Variants in MICALL1 observed in about 807,000 individuals in gnomAD.
The protein encoded by MICALL1 is MICAL like 1.
In MICALL1, 61 loss-of-function variants were observed where a neutral mutation model predicts 83.7. That is an observed-to-expected ratio of 0.73 (90% CI 0.59 to 0.90). MICALL1 has a LOEUF of 0.90. MICALL1 is among the 40% of genes least tolerant of loss of function. The pLI is 0.00. For missense variants in MICALL1, 1,066 were observed against 1,152.0 expected, an observed-to-expected ratio of 0.93 and a Z score of 1.08; for synonymous variants, 481 against 473.6, an observed-to-expected ratio of 1.02 and a Z score of -0.20.
intron 3 of MICALL1, among the ~76,000 whole-genome samples, chr22:37,915,254 A>T (rs1569137046): frequency 6.6e-6 from 1 of 152,174 alleles, no homozygotes; most frequent in Non-Finnish European, 1.5e-5. Flanking sequence ...CCCATCCCTA[A>T]ACAGAAAAAA....
chr22:37,935,135 T>C (rs1191475646), intron 13 of MICALL1, among the ~76,000 whole-genome samples: 2 of 149,326 alleles, frequency 1.3e-5, no homozygotes, highest in Admixed American at 1.3e-4. Context: ...GGTTTCACCA[T>C]GTTAGCCAGG....
rs1927948622 is a variant in MICALL1 at position 37,906,497 on chromosome 22, C to T, written c.75C>T (p.Arg25=). The T allele has an allele frequency of 1.6e-6, 2 of 1,257,308 alleles. No homozygotes were observed. The highest frequency in any genetic ancestry group is 3.4e-5 in the Admixed American group (1 of 29,196). The allele number at this position is 1,257,308 out of a possible 1,614,324, so 77.9% of individuals were successfully genotyped here. The part of the protein sequence containing the change: ...QCEGYRGVEI[R]DLSSSFRDGL... ...AGGGCTACCGCGGCGTGGAGATCCG[C>T]GACCTGAGCAGCTCCTTCCGGGACG... The change falls in exon 1 of 16, where the codon CGC becomes CGT. Residue 25 remains arginine, a synonymous_variant. Transcript: ENST00000215957. This position sits in a 1 kb window ranked among gnomAD's most constrained non-coding sequence, Gnocchi z 4.4.
chr22:37,924,824 G>A lies in MICALL1; in HGVS notation c.1082+107G>A, dbSNP rs914110187. On this transcript the variant is annotated intron_variant, in intron 7 of 15. Coordinates refer to ENST00000215957, the MANE Select transcript of MICALL1 (RefSeq NM_033386.4). The surrounding 1 kb of genome is among the most constrained non-coding windows in gnomAD (Gnocchi z 5.2). ...GAGGCTTCCTGTGGATGGGCAGGGC[G>A]GGGCTCAGGAGGGGAAGGAGAGCTG... is the stretch of plus-strand genomic sequence containing the variant. The A allele has an allele frequency of 1.6e-5, 19 of 1,154,300 alleles. No homozygotes were observed. Among genetic ancestry groups the A allele is most frequent in the Middle Eastern group, 2.0e-4 (1 of 4,898 alleles). 71.5% of individuals were successfully genotyped at this position (1,154,300 alleles called of 1,614,324 possible).
rs1388226655 is a variant in MICALL1, at chr22:37,932,772, G to C, written c.2144-26G>C. On this transcript the variant is annotated intron_variant, in intron 11 of 15. Transcript: ENST00000215957. This position sits in a 1 kb window ranked among gnomAD's most constrained non-coding sequence, Gnocchi z 4.4. ...TGAGCCAGGCATGGCAGCCAGCCCT[G>C]GCCTCAGTGGGTATCTGGCTTCCAG... The C allele has an allele frequency of 6.2e-7, 1 of 1,613,848 alleles. No individual in the cohort carries two copies. The highest frequency in any genetic ancestry group is 1.3e-5 in the African/African-American group (1 of 74,916).
chr22:37,917,629 A>T, intron 3 of MICALL1, 78 bp from the exon 4 acceptor site: 1 of 1,375,120 alleles, frequency 7.3e-7, no homozygotes, highest in Non-Finnish European at 1.0e-6. Context: ...ACAGGTCTCA[A>T]ATCTTCAGCC....
intron 3 of MICALL1, among the ~76,000 whole-genome samples, chr22:37,915,188 G>A (rs1315957457): frequency 2.0e-5 from 3 of 152,058 alleles, no homozygotes; most frequent in Admixed American, 6.5e-5. Context: ...GGAGTTTGAG[G>A]CTGCGGTGAG....
intron 6 of MICALL1, among the ~76,000 whole-genome samples, chr22:37,923,419 G>A (rs1407132107): frequency 2.0e-5 from 3 of 151,830 alleles, no homozygotes; most frequent in Non-Finnish European, 2.9e-5. Context: ...GTAGAGATGG[G>A]TTTTCACCAT....
chr22:37,935,416 A>C (rs1440120612), intron 13 of MICALL1, among the ~76,000 whole-genome samples: 1 of 149,200 alleles, frequency 6.7e-6, no homozygotes, highest in South Asian at 2.1e-4. Context: ...GCCCGCCACC[A>C]CACCCGGCTA....
intron 3 of MICALL1, among the ~76,000 whole-genome samples, chr22:37,914,231 CTTT>C (rs113697593): frequency 7.1e-6 from 1 of 140,276 alleles, no homozygotes. Context: ...TCTTTTCTTT[CTTT>C]TTTTTTTTTG....
intron 1 of MICALL1, 82 bp from the exon 2 acceptor site, chr22:37,911,870 A>T (rs536704417): frequency 1.5e-6 from 2 of 1,366,934 alleles, no homozygotes; most frequent in African/African-American, 2.9e-5. Flanking sequence ...TTCTCTGTTC[A>T]GCTCCTTTCT....
rs768876166 is a variant in MICALL1 at position 37,927,513 on chromosome 22, C to T, written c.1568C>T (p.Ala523Val). 1 of 1,613,034 alleles carries T rather than the reference C, an allele frequency of 6.2e-7. No individual in the cohort carries two copies. The highest frequency in any genetic ancestry group is 8.5e-7 in the Non-Finnish European group (1 of 1,179,102). Residue 523 changes from alanine (A) to valine (V), a missense_variant, in exon 9 of 16, where the codon GCA (alanine) becomes GTA (valine). Ala to Val is a moderately conservative substitution (Grantham distance 64, BLOSUM62 0). Coordinates refer to ENST00000215957, the MANE Select transcript of MICALL1 (RefSeq NM_033386.4). Reference sequence around the variant, plus strand: ...TCGTCTGAGAGCGCCAGCCAGACTGCAGGTGCAGAGCTTCTGGAGCCGCCA... The same window carrying T: ...TCGTCTGAGAGCGCCAGCCAGACTGTAGGTGCAGAGCTTCTGGAGCCGCCA... ...SLSSESASQT[A>V]GAELLEPPAV...
rs756457231 is a variant in MICALL1, at chr22:37,925,873, A to G, written c.1295A>G (p.Glu432Gly). The G allele has an allele frequency of 3.1e-6, 5 of 1,613,550 alleles. No homozygotes were observed. The highest frequency in any genetic ancestry group is 4.2e-6 in the Non-Finnish European group (5 of 1,179,884). ...KPYNPFEEEE[E>G]DKEEEAPAAP... ...TATAACCCCTTTGAGGAGGAGGAGG[A>G]GGACAAGGAGGAAGAGGCTCCAGCT... The change falls in exon 8 of 16, where the codon GAG (glutamate) becomes GGG (glycine). Residue 432 changes from glutamate to glycine, a missense_variant. Transcript: ENST00000215957.
At chr22:37,935,482 A>C (rs1930062967) in intron 13 of MICALL1, among the ~76,000 whole-genome samples, 1 of 148,744 alleles carries the variant, frequency 6.7e-6, no homozygotes, top group Non-Finnish European at 1.5e-5. Context: ...GATGGTCTTG[A>C]TCTCCTGACC....
intron 6 of MICALL1, among the ~76,000 whole-genome samples, chr22:37,923,359 T>A (rs1390212413): frequency 2.6e-5 from 4 of 151,832 alleles, no homozygotes; most frequent in African/African-American, 9.7e-5. Flanking sequence ...TCCAAGTAGC[T>A]GGGACTACAG....
At position 37,932,536 on chromosome 22, in the gene MICALL1, C is replaced by T; in HGVS notation, c.2017-17C>T. 2 of 1,613,100 alleles carry T rather than the reference C, an allele frequency of 1.2e-6. No homozygotes were observed. Among genetic ancestry groups the T allele is most frequent in the Non-Finnish European group, 1.7e-6 (2 of 1,179,344 alleles). On this transcript the variant is annotated splice_polypyrimidine_tract_variant and intron_variant, in intron 10 of 15. Transcript: ENST00000215957. The surrounding 1 kb of genome is among the most constrained non-coding windows in gnomAD (Gnocchi z 4.4). ...GCAACCAGGCAGGCCGTCAGGTGAC[C>T]AGGCACTGTTGGGCAGGTCCAGGCT...
Position 37,932,686 on chromosome 22 carries a change from G to A in MICALL1, c.2143+7G>A, listed in dbSNP as rs1347123460. On this transcript the variant is annotated splice_region_variant and intron_variant, in intron 11 of 15. Transcript: ENST00000215957. This position sits in a 1 kb window ranked among gnomAD's most constrained non-coding sequence, Gnocchi z 4.4. ...CTGCGTGGCGGCCTGAATGGTGCGG[G>A]AGCGGCTGGGAGGGCCTGCTGGGTG... 6.2e-7 allele frequency: 1 copy of A among 1,613,250 alleles called. No homozygotes were observed. Among genetic ancestry groups the A allele is most frequent in the Non-Finnish European group, 8.5e-7 (1 of 1,179,718 alleles).
Position 37,932,921 on chromosome 22 carries a change from G to A in MICALL1, c.2234+33G>A. On this transcript the variant is annotated intron_variant, in intron 12 of 15. Transcript: ENST00000215957. The surrounding 1 kb of genome is among the most constrained non-coding windows in gnomAD (Gnocchi z 4.4). The stretch of plus-strand genomic sequence containing the variant: ...CCCCCGCCTGGGGCATCCCTCCCTG[G>A]AATCCGTAGAGCTTAGAATGGAGAA... The A allele has an allele frequency of 3.1e-6, 5 of 1,613,496 alleles. No homozygotes were observed. The highest frequency in any genetic ancestry group is 4.2e-6 in the Non-Finnish European group (5 of 1,179,506).
Position 37,921,381 on chromosome 22 carries a change from G to A in MICALL1, c.570-591G>A, listed in dbSNP as rs566580324. Among the ~76,000 whole-genome samples the A allele has an allele frequency of 3.3e-5, 5 of 152,124 alleles. 1 individual carries two copies. Among genetic ancestry groups the A allele is most frequent in the Middle Eastern group, 6.8e-3 (2 of 292 alleles). ...TTGGGAGTTTGAGACCAGCCTGGCCGACTTGGTGAAACTCCGTCTCTACTA... is the reference window on the plus strand; with the variant it reads ...TTGGGAGTTTGAGACCAGCCTGGCCAACTTGGTGAAACTCCGTCTCTACTA... On this transcript the variant is annotated intron_variant, in intron 5 of 15. Transcript: ENST00000215957.
intron 5 of MICALL1, among the ~76,000 whole-genome samples, chr22:37,921,380 C>T (rs985994920): frequency 3.3e-5 from 5 of 152,158 alleles, no homozygotes; most frequent in Non-Finnish European, 4.4e-5. Context: ...CCAGCCTGGC[C>T]GACTTGGTGA....
Sources: gnomAD v4.1 joint callset for allele counts (sites outside exome capture counted in the v4.1 genomes callset) on GRCh38, gnomAD v4.1.1 for gene constraint, Gnocchi (gnomAD v3.1) non-coding constraint, MANE v1.5 for transcripts, NCBI Gene and HGNC (gene_info 2026-07-23, HGNC 2026-07-21) for gene names.